PMPCB: variants seen among roughly 807,000 people sequenced by gnomAD.
PMPCB encodes mitochondrial-processing peptidase subunit beta.
Under a neutral mutation model 61.5 loss-of-function variants are expected in PMPCB, and 46 were observed. The observed-to-expected ratio is 0.75, with a 90% CI of 0.59 to 0.96. The LOEUF is 0.96. Ranked by LOEUF, PMPCB falls within the 40% of genes least tolerant of loss-of-function variation. PMPCB has a pLI of 0.00. For synonymous variants in PMPCB, 191 were observed against 201.6 expected (o/e 0.95, Z 0.44); for missense variants, 590 against 602.4 (o/e 0.98, Z 0.22).
chr7:103,339,648 C>T, the PMPCB span, among the ~76,000 whole-genome samples: 1 of 151,592 alleles, frequency 6.6e-6, no homozygotes, highest in African/African-American at 2.4e-5. Context: ...GTTGCCCAGG[C>T]TGGAGTGCAG....
At chr7:103,319,146 A>C (rs886640877), downstream of PMPCB, among the ~76,000 whole-genome samples, 1 of 152,082 alleles carries the variant, frequency 6.6e-6, no homozygotes, top group Non-Finnish European at 1.5e-5. Flanking sequence ...TCAAAAACAA[A>C]AACAAAAACA....
chr7:103,321,881 T>C (rs368626236), intron 12 of PMPCB: 1 of 1,555,672 alleles, frequency 6.4e-7, no homozygotes, highest in South Asian at 1.2e-5. Flanking sequence ...TATTTTTGCT[T>C]AATAAGCAAC....
intron 12 of PMPCB, chr7:103,321,817 C>T (rs1818435331): frequency 8.1e-7 from 1 of 1,239,118 alleles, no homozygotes; most frequent in Non-Finnish European, 1.1e-6. Flanking sequence ...CACTGCACTC[C>T]AGCCTGGGCG....
At chr7:103,337,526 C>T in the PMPCB span, 1 of 488,754 alleles carries the variant, frequency 2.0e-6, no homozygotes, top group Admixed American at 3.8e-5. Flanking sequence ...TTTCTTATCC[C>T]TAATGGGAAA....
chr7:103,342,888 G>A, the PMPCB span, among the ~76,000 whole-genome samples: 1 of 152,112 alleles, frequency 6.6e-6, no homozygotes, highest in Non-Finnish European at 1.5e-5. Context: ...GATTACAGGC[G>A]TGAGCCACCG....
chr7:103,327,285 A>C, intron 12 of PMPCB: 2 of 452,514 alleles, frequency 4.4e-6, no homozygotes, highest in Non-Finnish European at 6.0e-6. Flanking sequence ...ATCTGAAACG[A>C]AAAAAAAAAA....
chr7:103,332,196 G>A (rs1056045810), downstream of PMPCB, among the ~76,000 whole-genome samples: 18 of 152,012 alleles, frequency 1.2e-4, no homozygotes, highest in African/African-American at 3.1e-4. Flanking sequence ...TAGTAGAGAC[G>A]GGGTTTCACC....
intron 12 of PMPCB, among the ~76,000 whole-genome samples, chr7:103,323,306 A>G (rs1183009599): frequency 1.5e-5 from 2 of 131,542 alleles, no homozygotes; most frequent in African/African-American, 2.7e-5. Context: ...GCACACATAC[A>G]AAAAAAAAAT....
chr7:103,337,378 A>G, the PMPCB span: 1 of 166,498 alleles, frequency 6.0e-6, no homozygotes, highest in Non-Finnish European at 1.3e-5. Flanking sequence ...TAAAAAAAAA[A>G]CCAAAAACCA....
chr7:103,302,920 C>T (rs147758042), intron 4 of PMPCB, among the ~76,000 whole-genome samples: 2 of 151,954 alleles, frequency 1.3e-5, no homozygotes, highest in Non-Finnish European at 2.9e-5. Context: ...TATTTTATAA[C>T]ATTAATCGTA....
At chr7:103,309,483 T>G (rs1368051886) in intron 8 of PMPCB, among the ~76,000 whole-genome samples, 1 of 152,228 alleles carries the variant, frequency 6.6e-6, no homozygotes, top group Admixed American at 6.5e-5. Context: ...ATGGACTTTT[T>G]TTTTGGTCAC....
chr7:103,321,772 C>G (rs1277068178), intron 12 of PMPCB, among the ~76,000 whole-genome samples: 2 of 152,182 alleles, frequency 1.3e-5, no homozygotes, highest in African/African-American at 4.8e-5. Context: ...TCGCTCGAAC[C>G]CGGAGGCGGA....
chr7:103,297,753 T>G, intron 1 of PMPCB, 195 bp downstream of exon 1: 1 of 1,533,644 alleles, frequency 6.5e-7, no homozygotes, highest in Non-Finnish European at 8.7e-7. Flanking sequence ...CCAGGAGACC[T>G]GCTAGTGACG....
intron 6 of PMPCB, among the ~76,000 whole-genome samples, chr7:103,306,408 G>A (rs767439120): frequency 6.9e-6 from 1 of 144,982 alleles, no homozygotes; most frequent in Admixed American, 6.9e-5. Context: ...TTGAGATGGA[G>A]TTTTGCTCTT....
chr7:103,346,748 G>A, the PMPCB span, among the ~76,000 whole-genome samples: 1 of 151,942 alleles, frequency 6.6e-6, no homozygotes, highest in Non-Finnish European at 1.5e-5. Flanking sequence ...TATTCACTTA[G>A]CATAATGTCT....
At chr7:103,321,984 A>G (rs751214764) in intron 12 of PMPCB, 16 of 1,613,792 alleles carry the variant, frequency 9.9e-6, no homozygotes, top group Middle Eastern at 1.6e-4. Context: ...TTTTTTCTGG[A>G]TATCTTTTTC....
chr7:103,316,950 G>C (rs199881594), downstream of PMPCB: 251 of 1,613,814 alleles, frequency 1.6e-4, no homozygotes, highest in Non-Finnish European at 2.0e-4. Context: ...GTTCTTAGAT[G>C]CTTGTCGCAT....
the PMPCB span, among the ~76,000 whole-genome samples, chr7:103,341,438 T>C: frequency 6.6e-6 from 1 of 152,206 alleles, no homozygotes; most frequent in Admixed American, 6.5e-5. Context: ...AGGCACTACA[T>C]ATTCTTTTAC....
intron 12 of PMPCB, among the ~76,000 whole-genome samples, chr7:103,328,621 ACT>A (rs1038989100): frequency 1.3e-5 from 2 of 150,970 alleles, no homozygotes; most frequent in Non-Finnish European, 2.9e-5. Context: ...ACAGAGTGAG[ACT>A]CTGTGTCAAA....
Sources: allele counts gnomAD v4.1 joint callset (sites outside exome capture counted in the v4.1 genomes callset), GRCh38; gene constraint gnomAD v4.1.1; transcripts MANE v1.5; gene names NCBI Gene and HGNC (gene_info 2026-07-23, HGNC 2026-07-21).